Variants in PER3 observed in about 807,000 individuals in gnomAD.
PER3 encodes the protein period circadian protein homolog 3.
Under a neutral mutation model 127.2 loss-of-function variants are expected in PER3, and 107 were observed. The ratio of observed to expected loss-of-function variants is 0.84; its 90% confidence interval spans 0.72 to 0.99. PER3 has a LOEUF of 0.99. Among genes scored for constraint, PER3 ranks in the 50% least tolerant of loss-of-function variants. The pLI, the probability that PER3 is intolerant of heterozygous loss-of-function variation, is 0.00. For missense variants in PER3, 1,560 were observed against 1,525.8 expected, an observed-to-expected ratio of 1.02 and a Z score of -0.37; for synonymous variants, 618 against 585.8, an observed-to-expected ratio of 1.05 and a Z score of -0.79.
At chr1:7,810,387 G>T (rs764262204) in intron 12 of PER3, 51 bp from the exon 13 acceptor site, 2 of 1,323,828 alleles carry the variant, frequency 1.5e-6, no homozygotes, top group Non-Finnish European at 2.1e-6. Flanking sequence ...GTATCTTTTA[G>T]TGGACATTTT....
chr1:7,793,851 C>T, intron 5 of PER3, 106 bp from the exon 6 acceptor site: 1 of 937,988 alleles, frequency 1.1e-6, no homozygotes, highest in Non-Finnish European at 1.7e-6. Context: ...AAGGAGACCT[C>T]TCTCTCTTTT....
chr1:7,808,148 G>A (rs901054441), intron 10 of PER3, among the ~76,000 whole-genome samples: 2 of 145,524 alleles, frequency 1.4e-5, no homozygotes, highest in African/African-American at 5.0e-5. Flanking sequence ...CAGGAGGATC[G>A]CCTGAACCTG....
chr1:7,827,351 C>G lies in PER3; in HGVS notation c.2422C>G (p.Pro808Ala). ...MVPSQAPYLV[P>A]AFPLPAATSP... ...GCCCAGCCAGGCCCCTTACCTCGTC[C>G]CAGCTTTTCCCCTCCCAGCCGCGAC... Residue 808 changes from proline (P) to alanine (A), a missense_variant, in exon 18 of 22, where the codon CCA (proline) becomes GCA (alanine). By Grantham distance (27) the Pro-to-Ala change is conservative (BLOSUM62 -1). Around this residue, in one of 3 missense-constraint regions of PER3, gnomAD observed 1,332 missense variants for 1,223.6 expected, o/e 1.09. Coordinates refer to ENST00000377532, the MANE Select transcript of PER3 (RefSeq NM_001377275.1). The G allele has an allele frequency of 6.2e-7, 1 of 1,614,118 alleles. No homozygotes were observed. Among genetic ancestry groups the G allele is most frequent in the Non-Finnish European group, 8.5e-7 (1 of 1,180,024 alleles).
chr1:7,805,396 A>G (rs1015696907), intron 10 of PER3, among the ~76,000 whole-genome samples: 3 of 152,214 alleles, frequency 2.0e-5, no homozygotes, highest in African/African-American at 7.2e-5. Flanking sequence ...ATATTACAGT[A>G]GAGATGATGC....
chr1:7,785,580 G>C lies in PER3; in HGVS notation c.268G>C (p.Val90Leu). 6.2e-7 allele frequency: 1 copy of C among 1,609,890 alleles called. No individual in the cohort carries two copies. Among genetic ancestry groups the C allele is most frequent in the Non-Finnish European group, 8.5e-7 (1 of 1,178,080 alleles). Residue 90 changes from valine (V) to leucine (L), a missense_variant, in exon 3 of 22, where the codon GTT becomes CTT. Physicochemically the swap from Val to Leu is conservative, Grantham distance 32. Around this residue, in one of 3 missense-constraint regions of PER3, gnomAD observed 1,332 missense variants for 1,223.6 expected, o/e 1.09. Coordinates refer to ENST00000377532, the MANE Select transcript of PER3 (RefSeq NM_001377275.1). ...LNYALRCVHS[V>L]QANSEFFQIL... ...CTATGCTCTCCGCTGTGTCCACAGC[G>C]TTCAAGGTAAACAAGCCGGAGAGAA...
rs34920317 is a variant in PER3, at chr1:7,797,636, TAA to T, written c.645-874_645-873del. Among the ~76,000 whole-genome samples the T allele has an allele frequency of 6.4e-3, 811 of 126,566 alleles. 6 individuals are homozygous for T. Among genetic ancestry groups the T allele is most frequent in the African/African-American group, 0.021 (711 of 33,700 alleles). The allele number at this position is 126,566 out of a possible 152,430, so 83.0% of individuals were successfully genotyped here. A position where few individuals can be genotyped will look rare whatever the true frequency, so the allele number is the denominator to read the frequency against. On this transcript the variant is annotated intron_variant, in intron 6 of 21. Coordinates refer to ENST00000377532, the MANE Select transcript of PER3 (RefSeq NM_001377275.1). ...GGGCAACAGAGCGAGACTCCGTCTTTAAAAAAAAAAAAAAAAGAAAAAAAAGT... is the reference window on the plus strand; with the variant it reads ...GGGCAACAGAGCGAGACTCCGTCTTTAAAAAAAAAAAAAAGAAAAAAAAGT...
intron 13 of PER3, among the ~76,000 whole-genome samples, chr1:7,812,474 A>T (rs909885204): frequency 1.3e-5 from 2 of 151,602 alleles, no homozygotes; most frequent in Admixed American, 1.3e-4. Flanking sequence ...AAAATACAAA[A>T]ATTAGCCGGG....
chr1:7,820,322 T>C (rs1343121741), intron 15 of PER3, 83 bp downstream of exon 15: 4 of 1,485,340 alleles, frequency 2.7e-6, no homozygotes, highest in Non-Finnish European at 3.7e-6. Flanking sequence ...TATATTGTTA[T>C]AAGCATAAAA....
chr1:7,809,564 AGTTT>A (rs1170033449), intron 11 of PER3, among the ~76,000 whole-genome samples: 2 of 152,152 alleles, frequency 1.3e-5, no homozygotes, highest in Non-Finnish European at 2.9e-5. Context: ...ATATATAGTT[AGTTT>A]GTTCTCTGTA....
chr1:7,787,524 GTCTTTTAAGATATTTAAAA>G (rs1286051970), intron 4 of PER3: 18 of 407,406 alleles, frequency 4.4e-5, no homozygotes, highest in Non-Finnish European at 4.8e-6. Flanking sequence ...GAAAATATTT[GTCTTTTAAGATATTTAAAA>G]TAAAGCTAGA....
chr1:7,843,889 T>A lies in PER3; in HGVS notation c.*1134T>A. 7.9e-7 allele frequency: 1 copy of A among 1,260,560 alleles called. No homozygotes were observed. The highest frequency in any genetic ancestry group is 1.6e-5 in the African/African-American group (1 of 63,424). The allele number at this position is 1,260,560 out of a possible 1,614,324, so 78.1% of individuals were successfully genotyped here. A position where few individuals can be genotyped will look rare whatever the true frequency, so the allele number is the denominator to read the frequency against. The stretch of plus-strand genomic sequence containing the variant: ...CTTGATAAATCAGCTCACTCTCTGG[T>A]GCTTTTTAGAGAAGTCCCTGATTCC... On this transcript the variant is annotated 3_prime_UTR_variant, in exon 22 of 22. Transcript: ENST00000377532.
Position 7,784,875 on chromosome 1 carries a change from G to C in PER3, c.-3G>C, listed in dbSNP as rs961608192. ...CGACGTGGAGCCCCGCGGAGACCTCGAGATGCCCCGCGGGGAAGCTCCTGG... is the reference window on the plus strand; with the variant it reads ...CGACGTGGAGCCCCGCGGAGACCTCCAGATGCCCCGCGGGGAAGCTCCTGG... On this transcript the variant is annotated 5_prime_UTR_variant, in exon 2 of 22. Transcript: ENST00000377532. 6.7e-7 allele frequency: 1 copy of C among 1,499,322 alleles called. No homozygotes were observed. The highest frequency in any genetic ancestry group is 2.8e-5 in the Admixed American group (1 of 36,078). The allele number at this position is 1,499,322 out of a possible 1,614,324, so 92.9% of individuals were successfully genotyped here.
chr1:7,844,136 A>G lies in PER3; in HGVS notation c.*1381A>G, dbSNP rs41307858. 7,071 of 257,084 alleles carry G rather than the reference A, an allele frequency of 0.028. 127 individuals carry two copies. The highest frequency in any genetic ancestry group is 0.038 in the Middle Eastern group (22 of 580). 15.9% of individuals were successfully genotyped at this position (257,084 alleles called of 1,614,324 possible). A position where few individuals can be genotyped will look rare whatever the true frequency, so the allele number is the denominator to read the frequency against. ...TTTTTGTAAATGCGTCCTGATAATG[A>G]TTAGGAAAATCGACCTTTTCATCCA... On this transcript the variant is annotated 3_prime_UTR_variant, in exon 22 of 22. Transcript: ENST00000377532.
chr1:7,840,748 C>G (rs1297283086), intron 21 of PER3, among the ~76,000 whole-genome samples: 1 of 151,818 alleles, frequency 6.6e-6, no homozygotes, highest in East Asian at 1.9e-4. Flanking sequence ...GCTGGGACTG[C>G]AAGTGTGTAC....
At chr1:7,793,557 G>A (rs1486501161) in intron 5 of PER3, among the ~76,000 whole-genome samples, 1 of 152,172 alleles carries the variant, frequency 6.6e-6, no homozygotes, top group Non-Finnish European at 1.5e-5. Context: ...CTAAGAAGCT[G>A]AAAATAGTCT....
chr1:7,787,166 G>T, intron 4 of PER3: 1 of 477,032 alleles, frequency 2.1e-6, no homozygotes, highest in Non-Finnish European at 2.9e-6. Context: ...TCTAATCTCC[G>T]AATTGTTAAT....
intron 5 of PER3, among the ~76,000 whole-genome samples, chr1:7,792,162 G>A (rs987787058): frequency 1.3e-5 from 2 of 152,164 alleles, no homozygotes; most frequent in African/African-American, 4.8e-5. Context: ...AATTGACTCA[G>A]TTCAGCATGG....
chr1:7,793,089 T>G (rs918673945), intron 5 of PER3, among the ~76,000 whole-genome samples: 7 of 152,366 alleles, frequency 4.6e-5, no homozygotes, highest in African/African-American at 1.7e-4. Context: ...ATATTTTGGT[T>G]GTTTTGGATT....
At chr1:7,831,367 G>T (rs1043080378) in intron 19 of PER3, among the ~76,000 whole-genome samples, 1 of 152,086 alleles carries the variant, frequency 6.6e-6, no homozygotes, top group African/African-American at 2.4e-5. Flanking sequence ...GATTCTGCAG[G>T]ACTTTTCTAC....
Sources: gnomAD v4.1 joint callset for allele counts (sites outside exome capture counted in the v4.1 genomes callset) on GRCh38, gnomAD v4.1.1 for gene constraint, gnomAD v4.1.1 regional missense constraint, MANE v1.5 for transcripts, NCBI Gene and HGNC (gene_info 2026-07-23, HGNC 2026-07-21) for gene names.